Variants in PKHD1L1 observed in about 807,000 individuals in gnomAD.
The protein encoded by PKHD1L1 is PKHD1 like 1.
PKHD1L1 carries 434 observed loss-of-function variants against 462.9 expected under a neutral mutation model. The ratio of observed to expected loss-of-function variants is 0.94; its 90% CI spans 0.87 to 1.02. The LOEUF is 1.02. Among genes scored for constraint, PKHD1L1 ranks in the 50% least tolerant of loss-of-function variants. PKHD1L1 has a pLI of 0.00. For synonymous variants in PKHD1L1, 1,781 were observed against 1,750.0 expected, an observed-to-expected ratio of 1.02 and a Z score of -0.44; for missense variants, 5,202 against 5,096.1, an observed-to-expected ratio of 1.02 and a Z score of -0.63.
In PKHD1L1 at chr8:109,487,874, GAA is replaced by G. The variant is rs1479341868; in HGVS notation, c.9880+1055_9880+1056del. Among the ~76,000 whole-genome samples, 20 of 107,156 alleles carry G rather than the reference GAA, an allele frequency of 1.9e-4. No homozygotes were observed. The South Asian group carries it at 6.3e-3, about 34-fold the overall frequency. 70.3% of individuals were successfully genotyped at this position (107,156 alleles called of 152,430 possible). On this transcript the variant is annotated intron_variant, in intron 59 of 77. Coordinates refer to ENST00000378402, the MANE Select transcript of PKHD1L1 (RefSeq NM_177531.6). ...AGAAAGAAAGAGAGAAAGACAGAGA[GAA>G]AGAGAGAGAGAGAGAGGAAGGAAGG...
At chr8:109,496,481 C>T (rs1254280265) in intron 63 of PKHD1L1, among the ~76,000 whole-genome samples, 1 of 152,174 alleles carries the variant, frequency 6.6e-6, no homozygotes, top group Admixed American at 6.5e-5. Context: ...TGCTCTTTCC[C>T]ATTAAATTAA....
At chr8:109,506,684 A>G (rs139463622) in intron 68 of PKHD1L1, among the ~76,000 whole-genome samples, 147 of 152,322 alleles carry the variant, frequency 9.7e-4, no homozygotes, top group African/African-American at 3.5e-3. Context: ...AATATTTATT[A>G]AAATCCTTCT....
In PKHD1L1 at chr8:109,454,946, A is replaced by T. The variant is rs140434668; in HGVS notation, c.6874+94A>T. 595 of 1,423,790 alleles carry T rather than the reference A, an allele frequency of 4.2e-4. 5 individuals carry two copies. The African/African-American group carries it at 7.6e-3, about 18-fold the overall frequency. 88.2% of individuals were successfully genotyped at this position (1,423,790 alleles called of 1,614,324 possible). On this transcript the variant is annotated intron_variant, in intron 45 of 77. Transcript: ENST00000378402. ...TGTGATAATTATAATTTATCCTGTG[A>T]TAAAGTGAAAGTGTGTTAGGCTTCT...
chr8:109,401,367 ATAAAG>A (rs1412186395), intron 13 of PKHD1L1, 125 bp from the exon 14 acceptor site: 5 of 609,432 alleles, frequency 8.2e-6, no homozygotes, highest in Non-Finnish European at 1.4e-5. Context: ...AAAGAAAAAT[ATAAAG>A]TAGTTTTACA....
At chr8:109,397,034 A>G (rs1813013330) in intron 11 of PKHD1L1, among the ~76,000 whole-genome samples, 1 of 152,196 alleles carries the variant, frequency 6.6e-6, no homozygotes, top group South Asian at 2.1e-4. Flanking sequence ...TAAATATTTA[A>G]AATTTGTATA....
chr8:109,389,467 T>C (rs1214600306), intron 8 of PKHD1L1, among the ~76,000 whole-genome samples: 3 of 151,996 alleles, frequency 2.0e-5, no homozygotes, highest in Admixed American at 6.6e-5. Context: ...TTCTTCTTGA[T>C]CTATGTCCTC....
rs2131071292 is a variant in PKHD1L1 at position 109,534,045 on chromosome 8, A to G, written c.*3955A>G. Among the ~76,000 whole-genome samples the G allele has an allele frequency of 6.6e-6, 1 of 152,334 alleles. No individual in the cohort carries two copies. The highest frequency in any genetic ancestry group is 2.1e-4 in the South Asian group (1 of 4,830). On this transcript the variant is annotated 3_prime_UTR_variant, in exon 78 of 78. Coordinates refer to ENST00000378402, the MANE Select transcript of PKHD1L1 (RefSeq NM_177531.6). ...TTCATCAGATGTCTGAGATGGCAAA[A>G]TTTGGAAGGATCAAGAGAACAGAGA...
intron 22 of PKHD1L1, 31 bp from the exon 23 acceptor site, chr8:109,420,487 C>A (rs1481233314): frequency 7.1e-7 from 1 of 1,409,300 alleles, no homozygotes. Flanking sequence ...TACTTTTACA[C>A]CAACCTAATA....
chr8:109,408,016 T>C (rs16879470), intron 17 of PKHD1L1, 33 bp from the exon 18 acceptor site: 476,634 of 1,490,700 alleles, frequency 0.32, 79,419 homozygotes, highest in Admixed American at 0.49. Context: ...TATTAGTTAA[T>C]GTCTACAAAT....
intron 19 of PKHD1L1, among the ~76,000 whole-genome samples, chr8:109,410,734 T>C (rs1813808465): frequency 9.0e-6 from 1 of 111,150 alleles, no homozygotes; most frequent in Admixed American, 9.4e-5. Context: ...TTCTTTTTTT[T>C]TTTTTTTTTT....
chr8:109,396,533 G>T (rs1022604085), intron 11 of PKHD1L1, among the ~76,000 whole-genome samples: 1 of 152,108 alleles, frequency 6.6e-6, no homozygotes, highest in Non-Finnish European at 1.5e-5. Context: ...GTAATATTTT[G>T]GTTATTCTCC....
rs1818541578 is a variant in PKHD1L1, at chr8:109,486,644, G to A, written c.9707-4G>A. On this transcript the variant is annotated splice_polypyrimidine_tract_variant and splice_region_variant and intron_variant, in intron 58 of 77. Coordinates refer to ENST00000378402, the MANE Select transcript of PKHD1L1 (RefSeq NM_177531.6). ...GCAATAATCTAGCTGCCTTTATACT[G>A]CAGCTGAAAAATACCATGTCCCTGG... The A allele has an allele frequency of 1.2e-6, 2 of 1,610,018 alleles. No individual in the cohort carries two copies. Among genetic ancestry groups the A allele is most frequent in the African/African-American group, 1.3e-5 (1 of 74,674 alleles).
intron 46 of PKHD1L1, among the ~76,000 whole-genome samples, chr8:109,457,146 A>C (rs1000699515): frequency 5.9e-5 from 9 of 152,276 alleles, no homozygotes; most frequent in Middle Eastern, 3.4e-3. Context: ...GATTATTAGG[A>C]AATGAACAGT....
intron 21 of PKHD1L1, among the ~76,000 whole-genome samples, chr8:109,416,424 A>T (rs1176098068): frequency 6.6e-6 from 1 of 152,238 alleles, no homozygotes; most frequent in Non-Finnish European, 1.5e-5. Context: ...GCACAGAACC[A>T]TATGATTTTA....
intron 68 of PKHD1L1, among the ~76,000 whole-genome samples, chr8:109,506,245 G>A (rs1819683426): frequency 6.6e-6 from 1 of 152,134 alleles, no homozygotes; most frequent in South Asian, 2.1e-4. Flanking sequence ...TGTTCTCAGT[G>A]TTGGCAAATA....
At position 109,464,449 on chromosome 8, in the gene PKHD1L1, G is replaced by A. The variant is rs1817311056; in HGVS notation, c.7617G>A (p.Gln2539=). ...EDGIEHGNIL[Q]YNLAVFVQQS... is the part of the protein sequence containing the mutation. Reference sequence around the variant, plus strand: ...GTATTGAACATGGCAATATCCTCCAGTATAACTTGGCAGTATTTGTACAGC... The same window carrying A: ...GTATTGAACATGGCAATATCCTCCAATATAACTTGGCAGTATTTGTACAGC... Residue 2539 remains glutamine, a synonymous_variant, in exon 49 of 78, where the codon CAG becomes CAA. Coordinates refer to ENST00000378402, the MANE Select transcript of PKHD1L1 (RefSeq NM_177531.6). 1 of 1,613,706 alleles carries A rather than the reference G, an allele frequency of 6.2e-7. No homozygotes were observed. The highest frequency in any genetic ancestry group is 8.5e-7 in the Non-Finnish European group (1 of 1,179,756).
chr8:109,374,466 T>A (rs1287472300), intron 2 of PKHD1L1, among the ~76,000 whole-genome samples: 1 of 152,242 alleles, frequency 6.6e-6, no homozygotes, highest in Non-Finnish European at 1.5e-5. Context: ...TTTGCCAGTC[T>A]GTGTCTTTTA....
intron 35 of PKHD1L1, among the ~76,000 whole-genome samples, 194 bp downstream of exon 35, chr8:109,442,389 T>C (rs1440203729): frequency 1.3e-5 from 2 of 152,186 alleles, no homozygotes; most frequent in African/African-American, 4.8e-5. Flanking sequence ...TATTCAAGTG[T>C]GTTCTGATAT....
In PKHD1L1 at chr8:109,433,129, C is replaced by T. The variant is rs1335366753; in HGVS notation, c.3253C>T (p.Leu1085=). The change falls in exon 28 of 78, where the codon CTA becomes TTA. Residue 1085 remains leucine, a synonymous_variant. Coordinates refer to ENST00000378402, the MANE Select transcript of PKHD1L1 (RefSeq NM_177531.6). Reference sequence around the variant, plus strand: ...AGGGTCCTATGAAGAAGGCACAATTCTAACCATAGTGGGTTCTGGATTTTC... The same window carrying T: ...AGGGTCCTATGAAGAAGGCACAATTTTAACCATAGTGGGTTCTGGATTTTC... ...SQGSYEEGTI[L]TIVGSGFSPS... 1.5e-5 allele frequency: 25 copies of T among 1,613,076 alleles called. No individual in the cohort carries two copies. In the Admixed American group the frequency reaches 3.8e-4, roughly 25 times the overall value.
Sources: gnomAD v4.1 joint callset for allele counts (sites outside exome capture counted in the v4.1 genomes callset) on GRCh38, gnomAD v4.1.1 for gene constraint, MANE v1.5 for transcripts, NCBI Gene and HGNC (gene_info 2026-07-23, HGNC 2026-07-21) for gene names.